The following HERC1 variants were observed in gnomAD, a reference collection of about 807,000 sequenced individuals.
HERC1 encodes the protein probable E3 ubiquitin-protein ligase HERC1.
Under a neutral mutation model 554.3 loss-of-function variants are expected in HERC1, and 160 were observed. The observed-to-expected ratio is 0.29, with a 90% CI of 0.25 to 0.33. The LOEUF (loss-of-function observed/expected upper bound fraction) is 0.33. HERC1 is among the 10% of genes least tolerant of loss of function. The pLI is 1.00. For synonymous variants in HERC1, 2,175 were observed against 2,131.7 expected, an observed-to-expected ratio of 1.02 and a Z score of -0.56; for missense variants, 4,919 against 5,918.5, an observed-to-expected ratio of 0.83 and a Z score of 5.54.
chr15:63,747,223 G>A, intron 11 of HERC1, 140 bp from the exon 12 acceptor site: 1 of 674,572 alleles, frequency 1.5e-6, no homozygotes, highest in Non-Finnish European at 2.5e-6. Flanking sequence ...ACTTTGGGAG[G>A]CGGAGGTGGG....
At chr15:63,809,139 G>T (rs994282460) in intron 1 of HERC1, among the ~76,000 whole-genome samples, 1 of 152,126 alleles carries the variant, frequency 6.6e-6, no homozygotes, top group African/African-American at 2.4e-5. Context: ...AGAGTTAATG[G>T]TATCAAAAGA....
rs939282342 is a variant in HERC1 at position 63,669,009 on chromosome 15, T to C, written c.8206+529A>G. 2.0e-5 allele frequency among the ~76,000 whole-genome samples: 3 copies of C among 152,206 alleles called. No individual in the cohort carries two copies. The East Asian group carries it at 5.8e-4, about 29-fold the overall frequency. ...TTGGAATATTTACCAAAACAGATGA[T>C]ATTCTAGGCTGTAAGACAAGTCTCA... On this transcript the variant is annotated intron_variant, in intron 40 of 77. Coordinates refer to ENST00000443617, the MANE Select transcript of HERC1 (RefSeq NM_003922.4).
Position 63,680,819 on chromosome 15 carries a change from T to G in HERC1, c.6226-43A>C. 7.3e-7 allele frequency: 1 copy of G among 1,377,486 alleles called. No homozygotes were observed. Among genetic ancestry groups the G allele is most frequent in the Non-Finnish European group, 1.0e-6 (1 of 967,584 alleles). The allele number at this position is 1,377,486 out of a possible 1,614,324, so 85.3% of individuals were successfully genotyped here. On this transcript the variant is annotated intron_variant, in intron 34 of 77. Transcript: ENST00000443617. This position sits in a 1 kb window ranked among gnomAD's most constrained non-coding sequence, Gnocchi z 5.8. ...TATTCATTAATACTCAAAAAATCTATTTATATACTATTAACTGCATTAACC... is the reference window on the plus strand; with the variant it reads ...TATTCATTAATACTCAAAAAATCTAGTTATATACTATTAACTGCATTAACC...
In HERC1 at chr15:63,663,071, C is replaced by T. The variant is rs148095131; in HGVS notation, c.8814G>A (p.Ala2938=). ...EELEIDLDDE[A]MEAMFGQDLT... is the part of the protein sequence containing the mutation. Reference sequence around the variant, plus strand: ...GGTCTTGTCCAAACATAGCTTCCATCGCCTCATCATCAAGATCAATTTCCA... The same window carrying T: ...GGTCTTGTCCAAACATAGCTTCCATTGCCTCATCATCAAGATCAATTTCCA... The change falls in exon 44 of 78, where the codon GCG becomes GCA. Residue 2938 remains alanine, a synonymous_variant. Coordinates refer to ENST00000443617, the MANE Select transcript of HERC1 (RefSeq NM_003922.4). 250 of 1,613,966 alleles carry T rather than the reference C, an allele frequency of 1.5e-4. 1 individual carries two copies. In the East Asian group the frequency reaches 2.7e-3, roughly 17 times the overall value.
chr15:63,635,233 G>T (rs1321153065), intron 65 of HERC1, among the ~76,000 whole-genome samples: 1 of 152,056 alleles, frequency 6.6e-6, no homozygotes, highest in African/African-American at 2.4e-5. Flanking sequence ...ATTTTTTGTA[G>T]AGACAGGGTC....
intron 50 of HERC1, 61 bp downstream of exon 50, chr15:63,655,681 A>C: frequency 8.5e-7 from 1 of 1,178,254 alleles, no homozygotes; most frequent in South Asian, 1.5e-5. Context: ...CAATGTAAAA[A>C]CATTATTTAA....
At position 63,792,745 on chromosome 15, in the gene HERC1, G is replaced by C. The variant is rs529300073; in HGVS notation, c.-26-17096C>G. Among the ~76,000 whole-genome samples, 14 of 152,292 alleles carry C rather than the reference G, an allele frequency of 9.2e-5. 1 individual carries two copies. In the East Asian group the frequency reaches 2.7e-3, roughly 29 times the overall value. On this transcript the variant is annotated intron_variant, in intron 1 of 77. Transcript: ENST00000443617. ...ACGCCAAGCAAGCAATCTTGCAGCA[G>C]ACGCTAGCTGGGTGTCTTCTAAGTC... is the stretch of plus-strand genomic sequence containing the variant.
intron 25 of HERC1, among the ~76,000 whole-genome samples, chr15:63,699,864 T>C (rs2072625337): frequency 6.6e-6 from 1 of 152,328 alleles, no homozygotes; most frequent in East Asian, 1.9e-4. Flanking sequence ...TGTCCAATTC[T>C]TACAAATCTT....
intron 26 of HERC1, among the ~76,000 whole-genome samples, chr15:63,697,768 T>A (rs1048238943): frequency 6.6e-6 from 1 of 152,164 alleles, no homozygotes; most frequent in Non-Finnish European, 1.5e-5. Context: ...CTTAATCATT[T>A]AGTTAAGGCA....
At chr15:63,643,181 G>T (rs546128498) in intron 58 of HERC1, 123 bp from the exon 59 acceptor site, 1 of 847,944 alleles carries the variant, frequency 1.2e-6, no homozygotes, top group Non-Finnish European at 1.9e-6. Flanking sequence ...ATTCAGCAAC[G>T]TCCAATCACA....
intron 47 of HERC1, among the ~76,000 whole-genome samples, chr15:63,658,949 T>G (rs745805531): frequency 3.9e-5 from 6 of 152,172 alleles, no homozygotes; most frequent in Non-Finnish European, 7.3e-5. Flanking sequence ...ACCATAGGAG[T>G]ATTTATACTT....
At chr15:63,697,449 GATT>G (rs2072482814) in intron 26 of HERC1, among the ~76,000 whole-genome samples, 1 of 114,816 alleles carries the variant, frequency 8.7e-6, no homozygotes, top group African/African-American at 3.4e-5. Flanking sequence ...TGTTAATCTT[GATT>G]TTTTTTTTTT....
intron 69 of HERC1, 120 bp from the exon 70 acceptor site, chr15:63,628,935 G>T: frequency 1.1e-6 from 1 of 886,344 alleles, no homozygotes; most frequent in Non-Finnish European, 1.7e-6. Context: ...CCATGCATCA[G>T]CATCAATAAA....
chr15:63,689,727 A>G (rs2071994781), intron 32 of HERC1, 28 bp from the exon 33 acceptor site: 2 of 1,348,154 alleles, frequency 1.5e-6, no homozygotes, highest in African/African-American at 1.5e-5. Flanking sequence ...AAAGGATAAA[A>G]TTTGTAAAAA....
rs1049640666 is a variant in HERC1, at chr15:63,677,538, A to C, written c.7070+307T>G. ...TAACAGAAATGATCAAAATGCAAAA[A>C]GCCAAATGAAAATTGGAAGAAGAAT... is the stretch of plus-strand genomic sequence containing the variant. On this transcript the variant is annotated intron_variant, in intron 37 of 77. Coordinates refer to ENST00000443617, the MANE Select transcript of HERC1 (RefSeq NM_003922.4). This position sits in a 1 kb window ranked among gnomAD's most constrained non-coding sequence, Gnocchi z 4.4. 6.6e-6 allele frequency among the ~76,000 whole-genome samples: 1 copy of C among 152,250 alleles called. No homozygotes were observed. Among genetic ancestry groups the C allele is most frequent in the Non-Finnish European group, 1.5e-5 (1 of 68,032 alleles).
In HERC1 at chr15:63,729,505, T is replaced by C. The variant is rs2074187948; in HGVS notation, c.3013A>G (p.Ile1005Val). The change falls in exon 15 of 78, where the codon ATT becomes GTT. Residue 1005 changes from isoleucine (I) to valine (V), a missense_variant. Around this residue, in one of 11 missense-constraint regions of HERC1, gnomAD observed 1,121 missense variants for 1,244.0 expected, o/e 0.90. Coordinates refer to ENST00000443617, the MANE Select transcript of HERC1 (RefSeq NM_003922.4). ...QLLAFCHINNISENSSSVALL... is the reference protein window; with the variant it reads ...QLLAFCHINNVSENSSSVALL... ...GACAAATAATCGCATACCTCACTAA[T>C]GTTATTGATATGGCAAAATGCCAGC... 6.2e-7 allele frequency: 1 copy of C among 1,613,596 alleles called. No homozygotes were observed. Among genetic ancestry groups the C allele is most frequent in the African/African-American group, 1.3e-5 (1 of 75,022 alleles).
In HERC1 at chr15:63,775,297, T is replaced by C. The variant is rs2076082038; in HGVS notation, c.327A>G (p.Val109=). The C allele has an allele frequency of 1.2e-6, 2 of 1,613,788 alleles. No homozygotes were observed. Among genetic ancestry groups the C allele is most frequent in the Non-Finnish European group, 1.7e-6 (2 of 1,179,872 alleles). The change falls in exon 2 of 78, where the codon GTA becomes GTG. Residue 109 remains valine (V), a synonymous_variant. Transcript: ENST00000443617. The surrounding 1 kb of genome is among the most constrained non-coding windows in gnomAD (Gnocchi z 4.0). ...AAAGTGCATAAAAGACACGCTGGAG[T>C]ACAAGCAGTCGTTTTCTAAGTGCCC... The part of the protein sequence containing the change: ...FAGALRKRLL[V]LQRVFYALSN...
rs1039154223 is a variant in HERC1 at position 63,654,590 on chromosome 15, C to T, written c.10085-266G>A. 9.2e-5 allele frequency among the ~76,000 whole-genome samples: 14 copies of T among 152,082 alleles called. No homozygotes were observed. The East Asian group carries it at 9.7e-4, about 11-fold the overall frequency. On this transcript the variant is annotated intron_variant, in intron 50 of 77. Coordinates refer to ENST00000443617, the MANE Select transcript of HERC1 (RefSeq NM_003922.4). ...ATTTTAGGCCAGGCATGGTGGCTCA[C>T]GCCTGTAATCCCAGTGCTTTGGGAG... is the stretch of plus-strand genomic sequence containing the variant.
chr15:63,645,066 G>C lies in HERC1; in HGVS notation c.11110C>G (p.Arg3704Gly). 1 of 1,613,668 alleles carries C rather than the reference G, an allele frequency of 6.2e-7. No homozygotes were observed. Residue 3704 changes from arginine to glycine, a missense_variant, in exon 57 of 78, where the codon CGC (arginine) becomes GGC (glycine). Around this residue, in one of 11 missense-constraint regions of HERC1, gnomAD observed 1,963 missense variants for 2,228.6 expected, o/e 0.88. Coordinates refer to ENST00000443617, the MANE Select transcript of HERC1 (RefSeq NM_003922.4). Reference protein sequence around the residue: ...GCQSGLVCVWRIPQDTTQTNV... With the variant: ...GCQSGLVCVWGIPQDTTQTNV... ...GTCTGTGTAGTATCTTGAGGAATGC[G>C]CCAAACACATACTAAGCCACTCTGA... is the stretch of plus-strand genomic sequence containing the variant.
Sources: allele counts gnomAD v4.1 joint callset (sites outside exome capture counted in the v4.1 genomes callset), GRCh38; gene constraint gnomAD v4.1.1; regional missense constraint gnomAD v4.1.1; non-coding constraint Gnocchi (gnomAD v3.1); transcripts MANE v1.5; gene names NCBI Gene and HGNC (gene_info 2026-07-23, HGNC 2026-07-21).